SLC26A4: variants seen among roughly 807,000 people sequenced by gnomAD.
SLC26A4 encodes the protein solute carrier family 26 member 4, also known as pendrin.
SLC26A4 carries 93 observed loss-of-function variants against 90.4 expected under a neutral mutation model. The ratio of observed to expected loss-of-function variants is 1.03; its 90% CI spans 0.87 to 1.22. The LOEUF (loss-of-function observed/expected upper bound fraction) is 1.22, where lower values mean the gene tolerates loss of function less well. Ranked by LOEUF, SLC26A4 falls within the 50% of genes most tolerant of loss-of-function variation. The pLI is 0.00. For missense variants in SLC26A4, 1,127 were observed against 946.2 expected (o/e 1.19, Z -2.51); for synonymous variants, 393 against 354.6 (o/e 1.11, Z -1.22).
chr7:107,667,147 C>T (rs529358017), intron 3 of SLC26A4, among the ~76,000 whole-genome samples: 29 of 152,106 alleles, frequency 1.9e-4, no homozygotes, highest in African/African-American at 6.8e-4. Flanking sequence ...AAGTTTGAGA[C>T]ACAGGGTGAG....
chr7:107,685,180 G>A (rs2129314878), intron 8 of SLC26A4, among the ~76,000 whole-genome samples: 1 of 152,258 alleles, frequency 6.6e-6, no homozygotes, highest in South Asian at 2.1e-4. Flanking sequence ...CCAGAGCACA[G>A]AGCTCATCTC....
chr7:107,715,823 GT>G lies in SLC26A4; in HGVS notation c.*382del. ...AATGATTAATCATAAAGAAAAATCA[GT>G]TTTTGACTGACCTGGATATCCATGA... On this transcript the variant is annotated 3_prime_UTR_variant, in exon 21 of 21. Transcript: ENST00000644269. The G allele has an allele frequency of 3.9e-6, 1 of 259,322 alleles. No individual in the cohort carries two copies. Among genetic ancestry groups the G allele is most frequent in the Non-Finnish European group, 7.5e-6 (1 of 133,286 alleles). The allele number at this position is 259,322 out of a possible 1,614,324, so 16.1% of individuals were successfully genotyped here.
chr7:107,692,409 G>T (rs1023243581), intron 10 of SLC26A4, among the ~76,000 whole-genome samples: 10 of 152,172 alleles, frequency 6.6e-5, no homozygotes, highest in Non-Finnish European at 1.2e-4. Flanking sequence ...AAATGGAAAT[G>T]ATAATTGCAT....
chr7:107,697,905 C>T (rs771536149), intron 13 of SLC26A4, 137 bp from the exon 14 acceptor site: 1 of 691,724 alleles, frequency 1.4e-6, no homozygotes, highest in Admixed American at 2.1e-5. Flanking sequence ...GAGTTAGCTA[C>T]AGGAAAATGT....
chr7:107,679,807 T>C (rs903128830), intron 6 of SLC26A4, among the ~76,000 whole-genome samples: 20 of 146,630 alleles, frequency 1.4e-4, no homozygotes, highest in African/African-American at 4.9e-4. Flanking sequence ...AATATAATCT[T>C]ATATTATTAT....
At chr7:107,663,247 G>T (rs748620481) in intron 2 of SLC26A4, 49 bp from the exon 3 acceptor site, 2 of 1,610,034 alleles carry the variant, frequency 1.2e-6, no homozygotes, top group East Asian at 2.2e-5. Context: ...TTGCAAATTG[G>T]TTGTGACTGA....
intron 20 of SLC26A4, 131 bp downstream of exon 20, chr7:107,712,753 C>G: frequency 1.5e-6 from 1 of 675,256 alleles, no homozygotes; most frequent in Non-Finnish European, 2.7e-6. Flanking sequence ...AAGATGGCTT[C>G]ATAGCAGGGA....
intron 13 of SLC26A4, among the ~76,000 whole-genome samples, chr7:107,697,493 T>C (rs143587741): frequency 5.3e-5 from 8 of 152,322 alleles, no homozygotes; most frequent in Non-Finnish European, 1.2e-4. Context: ...ATTTATCTGA[T>C]TGCATCAGGA....
chr7:107,667,175 C>T (rs1441417961), intron 3 of SLC26A4, among the ~76,000 whole-genome samples: 1 of 151,910 alleles, frequency 6.6e-6, no homozygotes, highest in Non-Finnish European at 1.5e-5. Context: ...AGTGGAGATG[C>T]CACCTAGAGA....
chr7:107,689,254 A>C, intron 9 of SLC26A4, 54 bp downstream of exon 9: 1 of 1,587,342 alleles, frequency 6.3e-7, no homozygotes, highest in Non-Finnish European at 8.6e-7. Context: ...CAGGAAAAAA[A>C]CATAAATGGA....
At chr7:107,663,528 C>A (rs1790627784) in intron 3 of SLC26A4, 93 bp downstream of exon 3, 3 of 1,360,786 alleles carry the variant, frequency 2.2e-6, no homozygotes, top group East Asian at 4.6e-5. Context: ...GGTTGCTTAC[C>A]CTTCAAGGCC....
At chr7:107,715,290 A>T in intron 20 of SLC26A4, 133 bp from the exon 21 acceptor site, 1 of 797,272 alleles carries the variant, frequency 1.3e-6, no homozygotes, top group African/African-American at 1.7e-5. Context: ...CCCTATTTCT[A>T]TTGTGATGAT....
At chr7:107,683,414 T>G in intron 7 of SLC26A4, 41 bp from the exon 8 acceptor site, 2 of 1,610,576 alleles carry the variant, frequency 1.2e-6, no homozygotes, top group East Asian at 2.2e-5. Context: ...AAGGAATTAT[T>G]AAAACCAATG....
At chr7:107,715,108 AC>A (rs965421377) in intron 20 of SLC26A4, among the ~76,000 whole-genome samples, 19 of 143,810 alleles carry the variant, frequency 1.3e-4, no homozygotes, top group African/African-American at 4.7e-4. Context: ...GGTGGCAGGC[AC>A]CTGTAATCCC....
At chr7:107,696,812 G>T (rs1049279065) in intron 13 of SLC26A4, among the ~76,000 whole-genome samples, 1 of 152,148 alleles carries the variant, frequency 6.6e-6, no homozygotes, top group Non-Finnish European at 1.5e-5. Flanking sequence ...GGGCCTAGAG[G>T]GGAACAGAGT....
chr7:107,709,033 A>T (rs1792109579), intron 18 of SLC26A4, among the ~76,000 whole-genome samples: 1 of 152,208 alleles, frequency 6.6e-6, no homozygotes, highest in African/African-American at 2.4e-5. Context: ...TATTGAGAAT[A>T]CATCTGAGGA....
At position 107,717,564 on chromosome 7, in the gene SLC26A4, G is replaced by A. The variant is rs1792378157; in HGVS notation, c.*2118G>A. 1 of 152,476 alleles carries A rather than the reference G, an allele frequency of 6.6e-6. No homozygotes were observed. Among genetic ancestry groups the A allele is most frequent in the African/African-American group, 2.4e-5 (1 of 41,388 alleles). The allele number at this position is 152,476 out of a possible 1,614,324, so 9.4% of individuals were successfully genotyped here. ...TAAGTCAGCAAACTGCGGGAATACT[G>A]TCTCTTCTATGTATTTTGTGAATAG... On this transcript the variant is annotated 3_prime_UTR_variant, in exon 21 of 21. Transcript: ENST00000644269.
At chr7:107,662,973 C>T (rs1175740791) in intron 2 of SLC26A4, among the ~76,000 whole-genome samples, 1 of 152,110 alleles carries the variant, frequency 6.6e-6, no homozygotes, top group Non-Finnish European at 1.5e-5. Flanking sequence ...AAGTAATCTC[C>T]ATTTAGAGAC....
At chr7:107,681,808 G>A (rs1210009493) in intron 6 of SLC26A4, among the ~76,000 whole-genome samples, 1 of 151,770 alleles carries the variant, frequency 6.6e-6, no homozygotes, top group African/African-American at 2.4e-5. Flanking sequence ...TTTTTGGCCA[G>A]TTGTGGTAGC....
Sources: allele counts gnomAD v4.1 joint callset (sites outside exome capture counted in the v4.1 genomes callset), GRCh38; gene constraint gnomAD v4.1.1; transcripts MANE v1.5; gene names NCBI Gene and HGNC (gene_info 2026-07-23, HGNC 2026-07-21).